STK32B: variants seen among roughly 807,000 people sequenced by gnomAD.
STK32B encodes serine/threonine-protein kinase 32B.
A neutral mutation model predicts 52.6 loss-of-function variants in STK32B; 43 were observed. That is an observed-to-expected ratio of 0.82 (90% CI 0.64 to 1.05). STK32B has a LOEUF of 1.05. STK32B is among the 50% of genes least tolerant of loss of function. STK32B has a pLI of 0.00. For missense variants in STK32B, 621 were observed against 534.6 expected, an observed-to-expected ratio of 1.16 and a Z score of -1.59; for synonymous variants, 238 against 204.3, an observed-to-expected ratio of 1.17 and a Z score of -1.41.
At chr4:5,352,302 G>A (rs775968216) in intron 4 of STK32B, among the ~76,000 whole-genome samples, 16 of 151,942 alleles carry the variant, frequency 1.1e-4, no homozygotes, top group South Asian at 2.1e-4. Flanking sequence ...ATGCAAATCG[G>A]TAAATTTAGT....
intron 3 of STK32B, among the ~76,000 whole-genome samples, chr4:5,191,319 C>T (rs62290533): frequency 0.05 from 7,593 of 151,692 alleles, 366 homozygotes; most frequent in Admixed American, 0.16. Flanking sequence ...GGCGCCATCT[C>T]GGCTCACTAC....
At chr4:5,118,927 G>A (rs1281815858) in intron 1 of STK32B, among the ~76,000 whole-genome samples, 1 of 152,140 alleles carries the variant, frequency 6.6e-6, no homozygotes, top group Non-Finnish European at 1.5e-5. Context: ...CACCATAGAC[G>A]AGTGCTTCTC....
chr4:5,367,849 A>G (rs1383588594), intron 4 of STK32B, among the ~76,000 whole-genome samples: 1 of 152,122 alleles, frequency 6.6e-6, no homozygotes, highest in African/African-American at 2.4e-5. Flanking sequence ...TACAAGTCCA[A>G]TCTAGTCCAG....
chr4:5,491,451 T>G (rs1466578884), intron 11 of STK32B, among the ~76,000 whole-genome samples: 3 of 152,210 alleles, frequency 2.0e-5, no homozygotes, highest in Admixed American at 2.0e-4. Flanking sequence ...TAAATTTGTT[T>G]GAGTTCATTG....
intron 1 of STK32B, among the ~76,000 whole-genome samples, chr4:5,089,242 A>G (rs2108781665): frequency 6.6e-6 from 1 of 151,458 alleles, no homozygotes; most frequent in South Asian, 2.1e-4. Flanking sequence ...AAAAACAGGG[A>G]TACACATGCA....
intron 3 of STK32B, among the ~76,000 whole-genome samples, chr4:5,315,262 G>A (rs1350805553): frequency 7.7e-6 from 1 of 130,144 alleles, no homozygotes; most frequent in East Asian, 2.1e-4. Context: ...AGCCATTAGG[G>A]AAATGCAAAT....
At chr4:5,283,466 A>T (rs1169060489) in intron 3 of STK32B, among the ~76,000 whole-genome samples, 1 of 152,194 alleles carries the variant, frequency 6.6e-6, no homozygotes, top group Non-Finnish European at 1.5e-5. Context: ...AGGAACGACA[A>T]CAAAAACATC....
Position 5,467,887 on chromosome 4 carries a change from C to A in STK32B, c.1042-119C>A. ...GCCCCAGACACTTAGCTTGGCTTGT[C>A]CCGGTCCCAAGCATCTGAGGTTTCC... On this transcript the variant is annotated intron_variant, in intron 10 of 11. Coordinates refer to ENST00000282908, the MANE Select transcript of STK32B (RefSeq NM_018401.3). The surrounding 1 kb of genome is among the most constrained non-coding windows in gnomAD (Gnocchi z 5.8). 1 of 1,141,680 alleles carries A rather than the reference C, an allele frequency of 8.8e-7. No individual in the cohort carries two copies. Among genetic ancestry groups the A allele is most frequent in the Non-Finnish European group, 1.3e-6 (1 of 769,522 alleles). The allele number at this position is 1,141,680 out of a possible 1,614,324, so 70.7% of individuals were successfully genotyped here. A position where few individuals can be genotyped will look rare whatever the true frequency, so the allele number is the denominator to read the frequency against.
intron 3 of STK32B, among the ~76,000 whole-genome samples, chr4:5,329,397 C>T (rs1732082893): frequency 6.6e-6 from 1 of 152,196 alleles, no homozygotes; most frequent in South Asian, 2.1e-4. Context: ...GATCCAGCCT[C>T]CCGCCATGGG....
At chr4:5,362,497 G>A (rs1577396318) in intron 4 of STK32B, among the ~76,000 whole-genome samples, 1 of 152,084 alleles carries the variant, frequency 6.6e-6, no homozygotes, top group African/African-American at 2.4e-5. Context: ...TGAAACAGAG[G>A]GCACTTTGTA....
At chr4:5,193,177 T>TGA (rs1721367489) in intron 3 of STK32B, among the ~76,000 whole-genome samples, 1 of 152,144 alleles carries the variant, frequency 6.6e-6, no homozygotes, top group Non-Finnish European at 1.5e-5. Flanking sequence ...TCGTGCCTCC[T>TGA]GAGCTCTCTC....
At position 5,051,750 on chromosome 4, in the gene STK32B, G is replaced by C. The variant is rs1284701054; in HGVS notation, c.-114G>C. On this transcript the variant is annotated 5_prime_UTR_variant, in exon 1 of 12. Coordinates refer to ENST00000282908, the MANE Select transcript of STK32B (RefSeq NM_018401.3). ...CTCGGCCCCCTCGGGCTCCGCGCGCGGCTACAACCCGGACTGGGCGCGCCC... is the reference window on the plus strand; with the variant it reads ...CTCGGCCCCCTCGGGCTCCGCGCGCCGCTACAACCCGGACTGGGCGCGCCC... 6.9e-7 allele frequency: 1 copy of C among 1,443,538 alleles called. No homozygotes were observed. Among genetic ancestry groups the C allele is most frequent in the Admixed American group, 2.2e-5 (1 of 44,586 alleles). The allele number at this position is 1,443,538 out of a possible 1,614,324, so 89.4% of individuals were successfully genotyped here.
intron 1 of STK32B, among the ~76,000 whole-genome samples, chr4:5,081,134 C>A (rs549656000): frequency 1.3e-5 from 2 of 151,714 alleles, no homozygotes; most frequent in South Asian, 4.2e-4. Flanking sequence ...ATATTTCCTT[C>A]TTTTTGTTTT....
At chr4:5,419,665 C>T (rs539652975) in intron 6 of STK32B, among the ~76,000 whole-genome samples, 15 of 152,122 alleles carry the variant, frequency 9.9e-5, no homozygotes, top group Non-Finnish European at 1.8e-4. Flanking sequence ...CACTACCATG[C>T]GCTTCTTGTC....
intron 2 of STK32B, among the ~76,000 whole-genome samples, chr4:5,152,174 A>AAG (rs1301033703): frequency 2.0e-5 from 3 of 152,232 alleles, no homozygotes; most frequent in Admixed American, 6.5e-5. Context: ...TTATCTGTAG[A>AAG]AGAAAAGAAT....
intron 4 of STK32B, among the ~76,000 whole-genome samples, chr4:5,333,065 C>T (rs1204020371): frequency 4.0e-5 from 6 of 151,022 alleles, no homozygotes; most frequent in Admixed American, 6.7e-5. Context: ...CCTGAGGAAT[C>T]GCCACACTGA....
At chr4:5,485,258 T>A (rs1271253458) in intron 11 of STK32B, among the ~76,000 whole-genome samples, 1 of 152,170 alleles carries the variant, frequency 6.6e-6, no homozygotes, top group African/African-American at 2.4e-5. Context: ...TTTCACAAAG[T>A]CTCATATTTC....
At chr4:5,312,834 T>C (rs1730397576) in intron 3 of STK32B, among the ~76,000 whole-genome samples, 1 of 152,082 alleles carries the variant, frequency 6.6e-6, no homozygotes, top group South Asian at 2.1e-4. Context: ...ATGGTGTTTC[T>C]AGTTCTAGAT....
intron 4 of STK32B, among the ~76,000 whole-genome samples, chr4:5,361,442 G>A (rs1444106159): frequency 6.6e-6 from 1 of 152,036 alleles, no homozygotes; most frequent in African/African-American, 2.4e-5. Context: ...CATGATCGTG[G>A]CTCGCTGCAG....
Sources: gnomAD v4.1 joint callset for allele counts (sites outside exome capture counted in the v4.1 genomes callset) on GRCh38, gnomAD v4.1.1 for gene constraint, Gnocchi (gnomAD v3.1) non-coding constraint, MANE v1.5 for transcripts, NCBI Gene and HGNC (gene_info 2026-07-23, HGNC 2026-07-21) for gene names.